Variants in ERC1 observed in about 807,000 individuals in gnomAD.
The protein encoded by ERC1 is ELKS/RAB6-interacting/CAST family member 1.
In ERC1, 56 loss-of-function variants were observed where a neutral mutation model predicts 132.0. The ratio of observed to expected loss-of-function variants is 0.42; its 90% confidence interval spans 0.34 to 0.53. The LOEUF (loss-of-function observed/expected upper bound fraction) is 0.53, where lower values mean the gene tolerates loss of function less well. ERC1 is among the 20% of genes least tolerant of loss of function. The pLI is 0.03. For missense variants in ERC1, 1,202 were observed against 1,349.9 expected, an observed-to-expected ratio of 0.89 and a Z score of 1.72; for synonymous variants, 478 against 476.1, an observed-to-expected ratio of 1.00 and a Z score of -0.05.
At chr12:1,299,006 T>C (rs1249575251) in intron 15 of ERC1, among the ~76,000 whole-genome samples, 4 of 152,168 alleles carry the variant, frequency 2.6e-5, no homozygotes, top group Non-Finnish European at 5.9e-5. Context: ...ATATATCTAA[T>C]AGAGCTTCAA....
intron 16 of ERC1, among the ~76,000 whole-genome samples, chr12:1,400,916 A>ATTTTTT (rs869202443): frequency 4.0e-4 from 6 of 15,046 alleles, no homozygotes; most frequent in Admixed American, 1.1e-3. Context: ...CTATTTTTGT[A>ATTTTTT]TTTTTTTTTT....
At chr12:1,023,540 A>T (rs1277596994) in intron 1 of ERC1, among the ~76,000 whole-genome samples, 1 of 152,128 alleles carries the variant, frequency 6.6e-6, no homozygotes, top group Non-Finnish European at 1.5e-5. Context: ...CAGAAGTGGG[A>T]TACATAGTTT....
Position 1,345,187 on chromosome 12 carries a change from C to CTTTTTTTTTT in ERC1, c.2781-26644_2781-26635dup, listed in dbSNP as rs573681390. Among the ~76,000 whole-genome samples the CTTTTTTTTTT allele has an allele frequency of 3.5e-3, 457 of 131,452 alleles. 23 individuals are homozygous for CTTTTTTTTTT. Among genetic ancestry groups the CTTTTTTTTTT allele is most frequent in the African/African-American group, 0.013 (428 of 33,772 alleles). 86.2% of individuals were successfully genotyped at this position (131,452 alleles called of 152,430 possible). ...AGAGAATTTCAGTAGAATATTTCTT[C>CTTTTTTTTTT]TTTTTTTTTTTGAGACGGAGTCTCA... On this transcript the variant is annotated intron_variant, in intron 15 of 18. Transcript: ENST00000360905.
At chr12:1,196,398 A>G (rs1037184276) in intron 12 of ERC1, among the ~76,000 whole-genome samples, 2 of 152,034 alleles carry the variant, frequency 1.3e-5, no homozygotes, top group Admixed American at 6.5e-5. Flanking sequence ...AAAAATTTTA[A>G]TGCAGTTTGT....
At chr12:1,323,162 T>C (rs1311796804) in intron 15 of ERC1, among the ~76,000 whole-genome samples, 1 of 143,054 alleles carries the variant, frequency 7.0e-6, no homozygotes, top group African/African-American at 2.5e-5. Flanking sequence ...GACAAATAAT[T>C]TTGGACGTAA....
At chr12:1,240,084 T>G (rs994613148) in intron 13 of ERC1, among the ~76,000 whole-genome samples, 33 of 152,144 alleles carry the variant, frequency 2.2e-4, no homozygotes, top group African/African-American at 7.5e-4. Flanking sequence ...GGAGCAAGAA[T>G]GAAGGGGCTA....
intron 7 of ERC1, among the ~76,000 whole-genome samples, chr12:1,118,132 A>C (rs906503399): frequency 2.6e-5 from 4 of 152,210 alleles, no homozygotes; most frequent in Admixed American, 2.0e-4. Context: ...TTTTCACTTC[A>C]GTAGCTTGAG....
At chr12:1,478,023 G>A in intron 18 of ERC1, among the ~76,000 whole-genome samples, 1 of 152,214 alleles carries the variant, frequency 6.6e-6, no homozygotes. Context: ...CATTTGGGTT[G>A]TTCCCAGGTT....
chr12:1,056,404 A>G (rs115751669), intron 2 of ERC1, among the ~76,000 whole-genome samples: 52 of 152,250 alleles, frequency 3.4e-4, no homozygotes, highest in African/African-American at 1.2e-3. Context: ...TTAATAGGCA[A>G]AAGAAAGAGA....
intron 18 of ERC1, among the ~76,000 whole-genome samples, chr12:1,445,769 G>A (rs1006370395): frequency 6.6e-6 from 1 of 152,198 alleles, no homozygotes; most frequent in South Asian, 2.1e-4. Flanking sequence ...GGCTAAGGAC[G>A]ATCTGTTAAC....
At chr12:1,124,016 A>G (rs1238033206) in intron 7 of ERC1, among the ~76,000 whole-genome samples, 4 of 152,230 alleles carry the variant, frequency 2.6e-5, no homozygotes, top group African/African-American at 9.6e-5. Context: ...TATAGCAGCA[A>G]TGAGGTGAAA....
Position 1,028,588 on chromosome 12 carries a change from G to GT in ERC1, c.669+19dup. 1 of 1,578,986 alleles carries GT rather than the reference G, an allele frequency of 6.3e-7. No homozygotes were observed. Among genetic ancestry groups the GT allele is most frequent in the Non-Finnish European group, 8.6e-7 (1 of 1,162,384 alleles). On this transcript the variant is annotated intron_variant, in intron 2 of 18. Transcript: ENST00000360905. The stretch of plus-strand genomic sequence containing the variant: ...GGAAAACCAGGTAAGTTCTACGTGT[G>GT]TTTACCTTTATTGGCTGAATTCATG...
intron 17 of ERC1, chr12:1,430,664 G>A (rs1306933991): frequency 6.6e-6 from 1 of 152,440 alleles, no homozygotes; most frequent in Admixed American, 6.5e-5. Flanking sequence ...ACAGGCATGA[G>A]CCACTGCACC....
intron 12 of ERC1, among the ~76,000 whole-genome samples, chr12:1,220,013 C>T (rs1015131681): frequency 5.3e-5 from 8 of 152,304 alleles, no homozygotes; most frequent in South Asian, 4.1e-4. Flanking sequence ...TGTAACCCCA[C>T]CACAACCTCC....
At chr12:1,131,305 A>G (rs4313631) in intron 7 of ERC1, among the ~76,000 whole-genome samples, 141,738 of 152,182 alleles carry the variant, frequency 0.93, 66,819 homozygotes, top group East Asian at 1. Flanking sequence ...AGGTGTGATC[A>G]CAGAGTTAGA....
At chr12:1,158,834 C>T (rs575031256) in intron 8 of ERC1, among the ~76,000 whole-genome samples, 5 of 151,982 alleles carry the variant, frequency 3.3e-5, no homozygotes, top group South Asian at 2.1e-4. Context: ...GGGTGCTATC[C>T]CAATTCCTTG....
At chr12:1,072,948 C>T (rs1940668884) in intron 2 of ERC1, among the ~76,000 whole-genome samples, 1 of 152,120 alleles carries the variant, frequency 6.6e-6, no homozygotes, top group African/African-American at 2.4e-5. Context: ...GTGCCTTGCC[C>T]TCCCTAAGTG....
At chr12:1,123,199 A>G (rs1947775852) in intron 7 of ERC1, among the ~76,000 whole-genome samples, 1 of 152,212 alleles carries the variant, frequency 6.6e-6, no homozygotes, top group Non-Finnish European at 1.5e-5. Flanking sequence ...TTAAGAAAAT[A>G]CAAGCATAAG....
chr12:1,219,578 C>G (rs1006976266), intron 12 of ERC1, among the ~76,000 whole-genome samples: 6 of 151,674 alleles, frequency 4.0e-5, no homozygotes, highest in African/African-American at 1.5e-4. Flanking sequence ...CAATGGCTAT[C>G]TGCTTCTATA....
Sources: gnomAD v4.1 joint callset for allele counts (sites outside exome capture counted in the v4.1 genomes callset) on GRCh38, gnomAD v4.1.1 for gene constraint, MANE v1.5 for transcripts, NCBI Gene and HGNC (gene_info 2026-07-23, HGNC 2026-07-21) for gene names.